The following SNCAIP variants were observed in gnomAD, a reference collection of about 807,000 sequenced individuals.
SNCAIP encodes the protein synuclein alpha interacting protein, also known as synphilin-1.
In SNCAIP, 43 loss-of-function variants were observed where a neutral mutation model predicts 86.7. The observed-to-expected ratio is 0.50, with a 90% CI of 0.39 to 0.64. The LOEUF is 0.64. Among genes scored for constraint, SNCAIP ranks in the 30% least tolerant of loss-of-function variants. The probability of loss-of-function intolerance (pLI) is 0.00; values close to 1 mark genes in which losing one functional copy is unlikely to be tolerated. For synonymous variants in SNCAIP, 417 were observed against 427.2 expected (o/e 0.98, Z 0.29); for missense variants, 981 against 1,103.1 (o/e 0.89, Z 1.57).
At chr5:122,341,133 T>G (rs1757491068) in intron 1 of SNCAIP, among the ~76,000 whole-genome samples, 1 of 152,200 alleles carries the variant, frequency 6.6e-6, no homozygotes. Flanking sequence ...AATTTCTACT[T>G]TATGTCTTGG....
intron 1 of SNCAIP, among the ~76,000 whole-genome samples, chr5:122,352,154 C>A (rs1425111108): frequency 6.6e-6 from 1 of 152,036 alleles, no homozygotes; most frequent in African/African-American, 2.4e-5. Flanking sequence ...CAGATGTCAC[C>A]CAGACACTCC....
intron 8 of SNCAIP, among the ~76,000 whole-genome samples, chr5:122,448,671 T>TTTTATATATATAATATATATA (rs1782974180): frequency 2.1e-5 from 2 of 96,164 alleles, no homozygotes; most frequent in African/African-American, 3.1e-5. Context: ...TTATATATAT[T>TTTTATATATATAATATATATA]ATATATGTTA....
Position 122,404,973 on chromosome 5 carries a change from G to A in SNCAIP, c.130+1108G>A, listed in dbSNP as rs1256591403. On this transcript the variant is annotated intron_variant, in intron 3 of 10. Coordinates refer to ENST00000261368, the MANE Select transcript of SNCAIP (RefSeq NM_005460.4). ...AAGATAGTTTTCAGTTCAAATAAAAGCTTTTACTTACCTTCACTTGTTTTT... is the reference window on the plus strand; with the variant it reads ...AAGATAGTTTTCAGTTCAAATAAAAACTTTTACTTACCTTCACTTGTTTTT... 4.6e-5 allele frequency among the ~76,000 whole-genome samples: 7 copies of A among 152,142 alleles called. 1 individual carries two copies. Among genetic ancestry groups the A allele is most frequent in the Admixed American group, 4.6e-4 (7 of 15,266 alleles).
chr5:122,366,933 A>G lies in SNCAIP; in HGVS notation c.-46-24156A>G, dbSNP rs77118181. Among the ~76,000 whole-genome samples, 379 of 152,264 alleles carry G rather than the reference A, an allele frequency of 2.5e-3. 4 individuals carry two copies. Among genetic ancestry groups the G allele is most frequent in the African/African-American group, 8.6e-3 (357 of 41,568 alleles). ...ATTTGCCTTCGTCTTGTCCTTCTCA[A>G]ATTCATTCAAGCAAAAAACAATGAG... On this transcript the variant is annotated intron_variant, in intron 1 of 10. Coordinates refer to ENST00000261368, the MANE Select transcript of SNCAIP (RefSeq NM_005460.4).
At chr5:122,391,039 T>TA (rs1769233344) in intron 1 of SNCAIP, 50 bp from the exon 2 acceptor site, 1 of 978,574 alleles carries the variant, frequency 1.0e-6, no homozygotes, top group African/African-American at 1.6e-5. Context: ...TTTTTGGTTG[T>TA]AAAACGGCTA....
At chr5:122,385,650 G>T (rs1013897058) in intron 1 of SNCAIP, among the ~76,000 whole-genome samples, 1 of 151,452 alleles carries the variant, frequency 6.6e-6, no homozygotes, top group Non-Finnish European at 1.5e-5. Context: ...GTACAAATTT[G>T]GCAGGCATGC....
At chr5:122,315,404 A>G (rs1163144093) in intron 1 of SNCAIP, among the ~76,000 whole-genome samples, 1 of 152,210 alleles carries the variant, frequency 6.6e-6, no homozygotes, top group Non-Finnish European at 1.5e-5. Context: ...ATGCAAAAGC[A>G]ACTTTAAAAC....
At chr5:122,434,541 G>A (rs375417711) in intron 6 of SNCAIP, among the ~76,000 whole-genome samples, 124 of 152,286 alleles carry the variant, frequency 8.1e-4, no homozygotes, top group African/African-American at 2.9e-3. Context: ...GAAGAGCTGT[G>A]TCAAACGTTT....
intron 1 of SNCAIP, among the ~76,000 whole-genome samples, chr5:122,366,949 AAAC>A (rs1181363931): frequency 1.3e-5 from 2 of 152,190 alleles, no homozygotes; most frequent in Non-Finnish European, 2.9e-5. Flanking sequence ...TTCAAGCAAA[AAAC>A]AATGAGAAAC....
At chr5:122,355,399 A>G (rs533985206) in intron 1 of SNCAIP, among the ~76,000 whole-genome samples, 3 of 152,280 alleles carry the variant, frequency 2.0e-5, no homozygotes, top group East Asian at 1.9e-4. Flanking sequence ...AAGCAATCCT[A>G]TGCCAATGTT....
intron 1 of SNCAIP, among the ~76,000 whole-genome samples, chr5:122,362,549 A>G (rs1762400934): frequency 6.6e-6 from 1 of 152,234 alleles, no homozygotes; most frequent in East Asian, 1.9e-4. Flanking sequence ...GATAAGAACA[A>G]GGAAAATTCA....
At chr5:122,320,197 A>G (rs1284650554) in intron 1 of SNCAIP, among the ~76,000 whole-genome samples, 10 of 152,228 alleles carry the variant, frequency 6.6e-5, no homozygotes, top group Non-Finnish European at 1.5e-4. Flanking sequence ...AGTGGGACAG[A>G]TAACATCATT....
intron 10 of SNCAIP, among the ~76,000 whole-genome samples, chr5:122,460,626 A>T (rs1277207636): frequency 6.6e-6 from 1 of 152,134 alleles, no homozygotes; most frequent in Non-Finnish European, 1.5e-5. Context: ...TCAAGAGCTA[A>T]ATCAGTATTC....
intron 1 of SNCAIP, chr5:122,389,729 C>G (rs1416404444): frequency 1.3e-5 from 2 of 152,092 alleles, no homozygotes; most frequent in Non-Finnish European, 2.9e-5. Context: ...AATGGATAAT[C>G]TCATTTAAAC....
intron 3 of SNCAIP, among the ~76,000 whole-genome samples, chr5:122,405,800 C>T (rs1437789155): frequency 6.6e-6 from 1 of 152,150 alleles, no homozygotes; most frequent in South Asian, 2.1e-4. Flanking sequence ...TTTAGTTTTT[C>T]CCAGGGCTGG....
chr5:122,400,167 G>A (rs1162800566), intron 2 of SNCAIP, among the ~76,000 whole-genome samples: 1 of 152,064 alleles, frequency 6.6e-6, no homozygotes, highest in Non-Finnish European at 1.5e-5. Flanking sequence ...CAACCACCGA[G>A]AATTTGTTAT....
At chr5:122,447,696 G>C (rs1782627183) in intron 8 of SNCAIP, among the ~76,000 whole-genome samples, 1 of 152,102 alleles carries the variant, frequency 6.6e-6, no homozygotes, top group African/African-American at 2.4e-5. Flanking sequence ...CATTAGACCA[G>C]AATCAGCAAA....
intron 8 of SNCAIP, among the ~76,000 whole-genome samples, chr5:122,448,841 C>G (rs1783070920): frequency 6.8e-6 from 1 of 146,754 alleles, no homozygotes; most frequent in East Asian, 2.0e-4. Flanking sequence ...AAGGTGAAAC[C>G]CCATCTCTAC....
chr5:122,314,875 T>C (rs1751386691), intron 1 of SNCAIP, among the ~76,000 whole-genome samples: 1 of 152,216 alleles, frequency 6.6e-6, no homozygotes, highest in Non-Finnish European at 1.5e-5. Context: ...TTGTGCTTAT[T>C]TGTAATACAG....
Sources: allele counts gnomAD v4.1 joint callset (sites outside exome capture counted in the v4.1 genomes callset), GRCh38; gene constraint gnomAD v4.1.1; transcripts MANE v1.5; gene names NCBI Gene and HGNC (gene_info 2026-07-23, HGNC 2026-07-21).